The following EXOC6 variants were observed in gnomAD, a reference collection of about 807,000 sequenced individuals.
EXOC6 encodes SEC15-like 1.
Under a neutral mutation model 112.5 loss-of-function variants are expected in EXOC6, and 60 were observed. That is an observed-to-expected ratio of 0.53 (90% CI 0.43 to 0.66). The LOEUF (loss-of-function observed/expected upper bound fraction) is 0.66. Among genes scored for constraint, EXOC6 ranks in the 30% least tolerant of loss-of-function variants. The pLI is 0.00. For missense variants in EXOC6, 855 were observed against 957.1 expected (o/e 0.89, Z 1.41); for synonymous variants, 295 against 308.0 (o/e 0.96, Z 0.44).
At position 93,058,860 on chromosome 10, in the gene EXOC6, C is replaced by T. The variant is rs1348925108; in HGVS notation, c.*505C>T. 6.6e-6 allele frequency: 1 copy of T among 152,208 alleles called. No individual in the cohort carries two copies. Among genetic ancestry groups the T allele is most frequent in the Non-Finnish European group, 1.5e-5 (1 of 68,052 alleles). The allele number at this position is 152,208 out of a possible 1,614,324, so 9.4% of individuals were successfully genotyped here. A position where few individuals can be genotyped will look rare whatever the true frequency, so the allele number is the denominator to read the frequency against. On this transcript the variant is annotated 3_prime_UTR_variant, in exon 22 of 22. Transcript: ENST00000260762. The stretch of plus-strand genomic sequence containing the variant: ...CTGCTAATTCTGAAGGGGAAATAGA[C>T]AAATCTTAAAAGCTGCCTGAAATCA...
chr10:92,831,262 C>T, upstream of EXOC6: 11 of 1,204,286 alleles, frequency 9.1e-6, no homozygotes, highest in Non-Finnish European at 1.1e-5. Context: ...AGCAACTGGG[C>T]CACCAGGACA....
At chr10:92,996,386 C>T (rs955168026) in intron 18 of EXOC6, among the ~76,000 whole-genome samples, 2 of 151,950 alleles carry the variant, frequency 1.3e-5, no homozygotes, top group African/African-American at 4.8e-5. Context: ...TTTGGGAGGC[C>T]AAGGCGGGCG....
At chr10:92,897,119 C>T (rs1849869471) in intron 4 of EXOC6, among the ~76,000 whole-genome samples, 1 of 152,058 alleles carries the variant, frequency 6.6e-6, no homozygotes, top group African/African-American at 2.4e-5. Context: ...TGATAATAAA[C>T]CTTAAAAATT....
chr10:93,011,658 A>G (rs1193105477), intron 19 of EXOC6, among the ~76,000 whole-genome samples: 2 of 152,180 alleles, frequency 1.3e-5, no homozygotes, highest in Admixed American at 6.6e-5. Flanking sequence ...GTATTTTACT[A>G]TGTAATATAA....
chr10:92,931,135 AAAAAG>A (rs1221111452), intron 9 of EXOC6, among the ~76,000 whole-genome samples: 5 of 149,834 alleles, frequency 3.3e-5, no homozygotes, highest in African/African-American at 9.8e-5. Context: ...AAAAAAAAAA[AAAAAG>A]GAAAGGAAAA....
intron 1 of EXOC6, 30 bp from the exon 2 acceptor site, chr10:92,893,319 G>T: frequency 1.3e-6 from 2 of 1,505,526 alleles, no homozygotes; most frequent in South Asian, 1.4e-5. Context: ...ATACATTTTG[G>T]TTAATTTTAG....
chr10:92,894,574 G>A (rs1849659910), intron 2 of EXOC6, among the ~76,000 whole-genome samples: 1 of 152,164 alleles, frequency 6.6e-6, no homozygotes. Flanking sequence ...AATTTGAGAA[G>A]TTTGCCACAG....
chr10:92,893,327 T>A (rs1849596469), intron 1 of EXOC6, 22 bp from the exon 2 acceptor site: 1 of 1,528,340 alleles, frequency 6.5e-7, no homozygotes, highest in Non-Finnish European at 8.8e-7. Flanking sequence ...TGGTTAATTT[T>A]AGCTTTCTTA....
chr10:92,827,506 A>AAAAAAAAAC (rs1846406253), intron 1 of EXOC6, among the ~76,000 whole-genome samples: 2 of 147,318 alleles, frequency 1.4e-5, no homozygotes, highest in South Asian at 2.1e-4. Flanking sequence ...AAAAAAAAAA[A>AAAAAAAAAC]TCCCCATGTT....
chr10:92,998,066 C>G (rs956421526), intron 19 of EXOC6, among the ~76,000 whole-genome samples: 6 of 152,130 alleles, frequency 3.9e-5, no homozygotes, highest in African/African-American at 1.4e-4. Context: ...TTAGATTTCA[C>G]AAGGCTTTAG....
chr10:93,050,926 T>C (rs1007404695), intron 20 of EXOC6, among the ~76,000 whole-genome samples: 2 of 152,028 alleles, frequency 1.3e-5, no homozygotes, highest in African/African-American at 4.8e-5. Context: ...TTAAACATGG[T>C]TACTTCTGAG....
intron 14 of EXOC6, among the ~76,000 whole-genome samples, chr10:92,951,631 G>GT (rs550034066): frequency 1.8e-4 from 28 of 152,196 alleles, no homozygotes; most frequent in Non-Finnish European, 3.1e-4. Flanking sequence ...AGAAAAGAGG[G>GT]TTTTTTTAAT....
intron 1 of EXOC6, among the ~76,000 whole-genome samples, chr10:92,851,849 T>C (rs1330361200): frequency 6.6e-6 from 1 of 152,034 alleles, no homozygotes; most frequent in Non-Finnish European, 1.5e-5. Context: ...AGCAGGAGGA[T>C]TGCTTGAGCT....
At chr10:92,935,728 C>A in intron 11 of EXOC6, 86 bp from the exon 12 acceptor site, 1 of 955,218 alleles carries the variant, frequency 1.0e-6, no homozygotes, top group South Asian at 1.5e-5. Flanking sequence ...GAAACATTAT[C>A]AATTTCTTAT....
At chr10:92,966,281 A>AATAATTATTATT (rs762102423) in intron 17 of EXOC6, among the ~76,000 whole-genome samples, 1 of 134,954 alleles carries the variant, frequency 7.4e-6, no homozygotes, top group Admixed American at 7.9e-5. Flanking sequence ...ATGTAATTAT[A>AATAATTATTATT]ATTATTATTA....
chr10:92,949,300 C>T (rs1209179027), intron 14 of EXOC6, among the ~76,000 whole-genome samples: 1 of 151,832 alleles, frequency 6.6e-6, no homozygotes, highest in Admixed American at 6.6e-5. Context: ...GTGTACTAGT[C>T]ACTAAATACA....
chr10:92,874,792 A>G (rs902725211), intron 1 of EXOC6, among the ~76,000 whole-genome samples: 3 of 152,202 alleles, frequency 2.0e-5, no homozygotes, highest in Non-Finnish European at 4.4e-5. Flanking sequence ...TTTCTCCTTG[A>G]TGACTTTGTC....
intron 1 of EXOC6, among the ~76,000 whole-genome samples, chr10:92,888,138 G>T (rs1012454801): frequency 6.6e-6 from 1 of 152,028 alleles, no homozygotes; most frequent in East Asian, 1.9e-4. Context: ...GGAACTTACG[G>T]TTCTATTTTT....
intron 9 of EXOC6, among the ~76,000 whole-genome samples, chr10:92,930,277 C>T (rs941189686): frequency 2.0e-5 from 3 of 151,600 alleles, no homozygotes; most frequent in Non-Finnish European, 2.9e-5. Context: ...CTGAGGCAGG[C>T]GGATCACCTA....
Sources: allele counts gnomAD v4.1 joint callset (sites outside exome capture counted in the v4.1 genomes callset), GRCh38; gene constraint gnomAD v4.1.1; transcripts MANE v1.5; gene names NCBI Gene and HGNC (gene_info 2026-07-23, HGNC 2026-07-21).